CNBD1: variants seen among roughly 807,000 people sequenced by gnomAD.
CNBD1 encodes cyclic nucleotide-binding domain-containing protein 1.
In CNBD1, 71 loss-of-function variants were observed where a neutral mutation model predicts 54.4. The ratio of observed to expected loss-of-function variants is 1.30; its 90% CI spans 1.08 to 1.59. The LOEUF (loss-of-function observed/expected upper bound fraction) is 1.59, where lower values mean the gene tolerates loss of function less well. Among genes scored for constraint, CNBD1 ranks in the 40% most tolerant of loss-of-function variants. The pLI is 0.00. For synonymous variants in CNBD1, 182 were observed against 170.7 expected (o/e 1.07, Z -0.51); for missense variants, 659 against 518.0 (o/e 1.27, Z -2.64).
At chr8:87,219,006 A>G (rs1365671364) in intron 5 of CNBD1, among the ~76,000 whole-genome samples, 1 of 151,968 alleles carries the variant, frequency 6.6e-6, no homozygotes, top group Non-Finnish European at 1.5e-5. Flanking sequence ...TGATTTTAAT[A>G]TGTGTTGTTA....
At chr8:87,210,958 G>A (rs1392743009) in intron 5 of CNBD1, among the ~76,000 whole-genome samples, 2 of 152,110 alleles carry the variant, frequency 1.3e-5, no homozygotes, top group African/African-American at 4.8e-5. Flanking sequence ...CTCTGCACCT[G>A]GAAAAGCTGC....
intron 4 of CNBD1, among the ~76,000 whole-genome samples, chr8:87,202,478 A>G (rs973095261): frequency 1.3e-5 from 2 of 152,208 alleles, no homozygotes. Context: ...AAATGCAAGT[A>G]ATAGTCAAGT....
chr8:87,260,032 A>G (rs1350208484), intron 6 of CNBD1, among the ~76,000 whole-genome samples: 1 of 152,038 alleles, frequency 6.6e-6, no homozygotes, highest in Non-Finnish European at 1.5e-5. Flanking sequence ...ACCAGAAAAG[A>G]CTCATTTTTT....
chr8:86,937,360 C>T (rs1012641548), intron 3 of CNBD1, among the ~76,000 whole-genome samples: 1 of 152,204 alleles, frequency 6.6e-6, no homozygotes, highest in Non-Finnish European at 1.5e-5. Flanking sequence ...GGGGACACAG[C>T]TAAACCATAT....
At chr8:86,928,212 C>T (rs370270688) in intron 3 of CNBD1, among the ~76,000 whole-genome samples, 2 of 152,132 alleles carry the variant, frequency 1.3e-5, no homozygotes, top group South Asian at 2.1e-4. Context: ...CCAAGTTGGC[C>T]GTTTCCTGAT....
chr8:86,935,495 GTATT>G (rs1279436381), intron 3 of CNBD1, among the ~76,000 whole-genome samples: 1 of 152,078 alleles, frequency 6.6e-6, no homozygotes, highest in Non-Finnish European at 1.5e-5. Context: ...AGTTTTGTAA[GTATT>G]TGTTCATCTA....
intron 4 of CNBD1, among the ~76,000 whole-genome samples, chr8:87,124,750 G>C (rs905901223): frequency 6.6e-6 from 1 of 151,630 alleles, no homozygotes; most frequent in Non-Finnish European, 1.5e-5. Flanking sequence ...ATAAGATAAG[G>C]ATGCCCACTC....
chr8:87,247,479 A>G (rs549329799), intron 6 of CNBD1, among the ~76,000 whole-genome samples: 55 of 152,294 alleles, frequency 3.6e-4, no homozygotes, highest in Admixed American at 6.5e-4. Flanking sequence ...TTTGAATGCA[A>G]TTACTTTATC....
chr8:86,987,181 T>G (rs1420734177), intron 4 of CNBD1, among the ~76,000 whole-genome samples: 1 of 152,198 alleles, frequency 6.6e-6, no homozygotes, highest in Non-Finnish European at 1.5e-5. Flanking sequence ...TCATCTCTGA[T>G]TTCTTTCATC....
At chr8:87,389,477 A>G (rs1811263929) in intron 2 of CNBD1, among the ~76,000 whole-genome samples, 2 of 152,304 alleles carry the variant, frequency 1.3e-5, no homozygotes, top group South Asian at 4.1e-4. Flanking sequence ...AGAGAGCCAA[A>G]TCATGAGTGA....
chr8:86,998,498 G>T (rs1200889327), intron 4 of CNBD1, among the ~76,000 whole-genome samples: 1 of 152,124 alleles, frequency 6.6e-6, no homozygotes, highest in South Asian at 2.1e-4. Flanking sequence ...GCACAATGTT[G>T]TTTTTTTCAG....
At chr8:87,402,184 T>A (rs1293663273) in intron 2 of CNBD1, among the ~76,000 whole-genome samples, 2 of 151,978 alleles carry the variant, frequency 1.3e-5, no homozygotes, top group Non-Finnish European at 2.9e-5. Context: ...TGAGATGTTT[T>A]CACTGTCACG....
intron 8 of CNBD1, among the ~76,000 whole-genome samples, chr8:87,340,708 T>G (rs1810048122): frequency 2.0e-5 from 3 of 152,160 alleles, no homozygotes; most frequent in African/African-American, 7.2e-5. Context: ...AGTCTGCTGT[T>G]AATCCCCTCT....
intron 2 of CNBD1, among the ~76,000 whole-genome samples, chr8:87,404,543 A>C (rs1807621789): frequency 6.6e-6 from 1 of 152,056 alleles, no homozygotes; most frequent in Non-Finnish European, 1.5e-5. Context: ...AAATTCCTTG[A>C]ATTAATTAAT....
chr8:86,987,044 A>T (rs1808624696), intron 4 of CNBD1, among the ~76,000 whole-genome samples: 1 of 152,200 alleles, frequency 6.6e-6, no homozygotes, highest in Admixed American at 6.5e-5. Context: ...TATTTCTATG[A>T]AAAAATGACA....
In CNBD1 at chr8:86,941,875, A is replaced by G. The variant is rs191722619; in HGVS notation, c.431+2121A>G. 2.8e-3 allele frequency among the ~76,000 whole-genome samples: 434 copies of G among 152,312 alleles called. 2 individuals are homozygous for G. The highest frequency in any genetic ancestry group is 9.1e-3 in the African/African-American group (380 of 41,558). On this transcript the variant is annotated intron_variant, in intron 4 of 10. Coordinates refer to ENST00000518476, the MANE Select transcript of CNBD1 (RefSeq NM_173538.3). The stretch of plus-strand genomic sequence containing the variant: ...GGACAATAGATGTTGGGTCAGTATC[A>G]GTTTCCAGAACCCACTTCCTCACTC...
At chr8:87,270,315 C>T (rs567477392) in intron 6 of CNBD1, among the ~76,000 whole-genome samples, 4 of 151,950 alleles carry the variant, frequency 2.6e-5, no homozygotes, top group South Asian at 4.1e-4. Context: ...CATAAACAGA[C>T]ACTTTTCAAA....
intron 5 of CNBD1, among the ~76,000 whole-genome samples, chr8:87,222,060 C>A (rs2130809758): frequency 6.6e-6 from 1 of 152,180 alleles, no homozygotes; most frequent in South Asian, 2.1e-4. Flanking sequence ...TCTCTGCAAT[C>A]ATTTAGACCT....
At chr8:87,017,313 C>T (rs917605305) in intron 4 of CNBD1, among the ~76,000 whole-genome samples, 2 of 152,164 alleles carry the variant, frequency 1.3e-5, no homozygotes, top group Non-Finnish European at 2.9e-5. Context: ...CTTTCTAATA[C>T]TATAAAACCA....
Sources: allele counts gnomAD v4.1 joint callset (sites outside exome capture counted in the v4.1 genomes callset), GRCh38; gene constraint gnomAD v4.1.1; transcripts MANE v1.5; gene names NCBI Gene and HGNC (gene_info 2026-07-23, HGNC 2026-07-21).